SPTBN1: variants seen among roughly 807,000 people sequenced by gnomAD.
SPTBN1 encodes the protein spectrin beta, non-erythrocytic 1.
SPTBN1 carries 32 observed loss-of-function variants against 266.4 expected under a neutral mutation model. The observed-to-expected ratio is 0.12, with a 90% CI of 0.09 to 0.16. SPTBN1 has a LOEUF of 0.16. Among genes scored for constraint, SPTBN1 ranks in the 10% least tolerant of loss-of-function variants. SPTBN1 has a pLI of 1.00. For synonymous variants in SPTBN1, 1,336 were observed against 1,162.2 expected (o/e 1.15, Z -3.04); for missense variants, 2,296 against 3,067.1 (o/e 0.75, Z 5.94).
chr2:54,629,813 G>A lies in SPTBN1; in HGVS notation c.2669+10G>A, dbSNP rs765865873. On this transcript the variant is annotated intron_variant, in intron 14 of 35. Transcript: ENST00000356805. ...AGGTCATCCAGCACAGGTGAGCGGG[G>A]CGCTGGTCAGCCACTGGCCTGTTCC... is the stretch of plus-strand genomic sequence containing the variant. 3.7e-6 allele frequency: 6 copies of A among 1,609,768 alleles called. No individual in the cohort carries two copies. The East Asian group carries it at 6.7e-5, about 18-fold the overall frequency.
At chr2:54,588,059 G>A (rs1262488857) in intron 2 of SPTBN1, among the ~76,000 whole-genome samples, 3 of 152,126 alleles carry the variant, frequency 2.0e-5, no homozygotes, top group Non-Finnish European at 4.4e-5. Context: ...TGGGATGTGG[G>A]ATCAACAGTA....
Position 54,670,990 on chromosome 2 carries a change from T to C in SPTBN1, c.*2421T>C, listed in dbSNP as rs1020671298. The stretch of plus-strand genomic sequence containing the variant: ...TTTTATTCTTCCACTATCATGTTTT[T>C]TGAGGATTTTGCATATTTCTTGTTG... On this transcript the variant is annotated 3_prime_UTR_variant, in exon 36 of 36. Transcript: ENST00000356805. 23 of 395,626 alleles carry C rather than the reference T, an allele frequency of 5.8e-5. No homozygotes were observed. Among genetic ancestry groups the C allele is most frequent in the Non-Finnish European group, 9.8e-5 (22 of 224,824 alleles). 24.5% of individuals were successfully genotyped at this position (395,626 alleles called of 1,614,324 possible).
At chr2:54,564,630 C>A (rs751087493) in intron 2 of SPTBN1, among the ~76,000 whole-genome samples, 2 of 152,220 alleles carry the variant, frequency 1.3e-5, no homozygotes, top group Admixed American at 1.3e-4. Flanking sequence ...GCACCCTTGA[C>A]ACCCTGCCCT....
At chr2:54,594,447 A>T (rs946746382) in intron 2 of SPTBN1, among the ~76,000 whole-genome samples, 6 of 152,202 alleles carry the variant, frequency 3.9e-5, no homozygotes, top group African/African-American at 1.4e-4. Context: ...ATACAGGAAG[A>T]TGTATGTTGG....
chr2:54,516,650 T>C (rs993825922), intron 1 of SPTBN1, among the ~76,000 whole-genome samples: 2 of 152,134 alleles, frequency 1.3e-5, no homozygotes, highest in Non-Finnish European at 2.9e-5. Context: ...TTGGGTTAGA[T>C]TGAAACAAAG....
intron 3 of SPTBN1, among the ~76,000 whole-genome samples, chr2:54,607,970 C>T (rs971403100): frequency 3.3e-5 from 5 of 152,272 alleles, no homozygotes; most frequent in Middle Eastern, 3.4e-3. Context: ...AGACGTTTTC[C>T]GTACAGCACA....
At chr2:54,571,731 G>T (rs757741431) in intron 2 of SPTBN1, among the ~76,000 whole-genome samples, 1 of 152,122 alleles carries the variant, frequency 6.6e-6, no homozygotes, top group East Asian at 1.9e-4. Flanking sequence ...TTCCTTCTTA[G>T]GGATGGCATA....
At chr2:54,500,407 C>T (rs1443142465) in intron 1 of SPTBN1, among the ~76,000 whole-genome samples, 9 of 151,646 alleles carry the variant, frequency 5.9e-5, no homozygotes, top group Admixed American at 4.6e-4. Flanking sequence ...TTTTTCATCT[C>T]GATCCACTGT....
chr2:54,468,574 A>G lies in SPTBN1; in HGVS notation c.-48+12056A>G, dbSNP rs181080043. ...AAACATAAAATCTAATGACTGGTCT[A>G]TAGTTAAAGCTGTAGCATGAACACT... is the stretch of plus-strand genomic sequence containing the variant. On this transcript the variant is annotated intron_variant, in intron 1 of 35. Transcript: ENST00000356805. Among the ~76,000 whole-genome samples, 702 of 152,348 alleles carry G rather than the reference A, an allele frequency of 4.6e-3. 3 individuals are homozygous for G. Among genetic ancestry groups the G allele is most frequent in the Middle Eastern group, 0.02 (6 of 294 alleles).
chr2:54,470,722 C>G (rs967460102), intron 1 of SPTBN1, among the ~76,000 whole-genome samples: 5 of 152,104 alleles, frequency 3.3e-5, no homozygotes, highest in Non-Finnish European at 7.3e-5. Context: ...GCCTGTAATC[C>G]TAGCTACTTG....
chr2:54,485,349 C>A (rs1302185376), intron 1 of SPTBN1, among the ~76,000 whole-genome samples: 2 of 152,226 alleles, frequency 1.3e-5, no homozygotes, highest in African/African-American at 4.8e-5. Flanking sequence ...CGCCGCCACG[C>A]CTGACTGGTT....
At chr2:54,650,035 A>T (rs1680167661) in intron 26 of SPTBN1, 46 bp downstream of exon 26, 1 of 1,555,006 alleles carries the variant, frequency 6.4e-7, no homozygotes. Context: ...CTTTTTCTCC[A>T]TAGAACATCT....
In SPTBN1 at chr2:54,622,362, C is replaced by T; in HGVS notation, c.939C>T (p.Asp313=). The part of the protein sequence containing the change: ...MIEKYESLAS[D]LLEWIEQTII... ...AAAAGTATGAATCACTTGCCTCTGA[C>T]CTTCTGGAATGGATTGAACAAACCA... The change falls in exon 9 of 36, where the codon GAC becomes GAT. Residue 313 remains aspartate (D), a synonymous_variant. Coordinates refer to ENST00000356805, the MANE Select transcript of SPTBN1 (RefSeq NM_003128.3). The T allele has an allele frequency of 2.5e-6, 4 of 1,614,180 alleles. No homozygotes were observed. Among genetic ancestry groups the T allele is most frequent in the Non-Finnish European group, 3.4e-6 (4 of 1,180,028 alleles).
rs764062758 is a variant in SPTBN1, at chr2:54,649,112, C to G, written c.5124C>G (p.Asp1708Glu). Residue 1708 changes from aspartate to glutamate, a missense_variant, in exon 25 of 36, where the codon GAC becomes GAG. By Grantham distance (45) the Asp-to-Glu change is conservative. This residue lies in a region of SPTBN1 where 644 missense variants were observed against 745.3 expected (regional missense o/e 0.86). Transcript: ENST00000356805. The surrounding 1 kb of genome is among the most constrained non-coding windows in gnomAD (Gnocchi z 6.7). The stretch of plus-strand genomic sequence containing the variant: ...TATTCCAGCTCAACCGGGAGGTGGA[C>G]GACCTGGAGCAGTGGATCGCTGAGA... ...HRLFQLNREV[D>E]DLEQWIAERE... 1 of 1,613,930 alleles carries G rather than the reference C, an allele frequency of 6.2e-7. No individual in the cohort carries two copies. The highest frequency in any genetic ancestry group is 8.5e-7 in the Non-Finnish European group (1 of 1,179,880).
At chr2:54,581,366 G>A (rs1010758522) in intron 2 of SPTBN1, among the ~76,000 whole-genome samples, 1 of 152,000 alleles carries the variant, frequency 6.6e-6, no homozygotes, top group Non-Finnish European at 1.5e-5. Context: ...TCTCCATAGG[G>A]TCGTCCGTGA....
At chr2:54,580,227 T>C (rs927340832) in intron 2 of SPTBN1, among the ~76,000 whole-genome samples, 1 of 152,162 alleles carries the variant, frequency 6.6e-6, no homozygotes, top group Non-Finnish European at 1.5e-5. Flanking sequence ...TGAAGGTTAG[T>C]CTGGGGTGAC....
chr2:54,463,774 T>C (rs1487826067), intron 1 of SPTBN1, among the ~76,000 whole-genome samples: 1 of 152,238 alleles, frequency 6.6e-6, no homozygotes, highest in African/African-American at 2.4e-5. Flanking sequence ...ATAACAATCA[T>C]TTAGATAAAT....
rs997859490 is a variant in SPTBN1 at position 54,592,211 on chromosome 2, T to C, written c.149-6881T>C. 3.3e-5 allele frequency among the ~76,000 whole-genome samples: 5 copies of C among 152,172 alleles called. No individual in the cohort carries two copies. The South Asian group carries it at 1.0e-3, about 31-fold the overall frequency. ...TAAAAATATAAATTAAAAAATTACA[T>C]AGACGCATTACAGCCTTTCAGTATT... On this transcript the variant is annotated intron_variant, in intron 2 of 35. Coordinates refer to ENST00000356805, the MANE Select transcript of SPTBN1 (RefSeq NM_003128.3).
chr2:54,467,878 A>G (rs912246379), intron 1 of SPTBN1, among the ~76,000 whole-genome samples: 1 of 152,172 alleles, frequency 6.6e-6, no homozygotes, highest in African/African-American at 2.4e-5. Flanking sequence ...ATAACAAAAT[A>G]CAAAAGTATT....
Sources: gnomAD v4.1 joint callset for allele counts (sites outside exome capture counted in the v4.1 genomes callset) on GRCh38, gnomAD v4.1.1 for gene constraint, gnomAD v4.1.1 regional missense constraint, Gnocchi (gnomAD v3.1) non-coding constraint, MANE v1.5 for transcripts, NCBI Gene and HGNC (gene_info 2026-07-23, HGNC 2026-07-21) for gene names.